GRHPR: variants seen among roughly 807,000 people sequenced by gnomAD.
GRHPR encodes glyoxylate and hydroxypyruvate reductase, also known as glyoxylate reductase/hydroxypyruvate reductase.
Under a neutral mutation model 36.8 loss-of-function variants are expected in GRHPR, and 35 were observed. The observed-to-expected ratio is 0.95, with a 90% confidence interval of 0.73 to 1.26. GRHPR has a LOEUF of 1.26. Among genes scored for constraint, GRHPR ranks in the 50% most tolerant of loss-of-function variants. The pLI is 0.00. For synonymous variants in GRHPR, 179 were observed against 181.0 expected (o/e 0.99, Z 0.09); for missense variants, 380 against 435.0 (o/e 0.87, Z 1.12).
Position 37,428,488 on chromosome 9 carries a change from G to A in GRHPR, c.409G>A (p.Gly137Ser). 1 of 1,607,708 alleles carries A rather than the reference G, an allele frequency of 6.2e-7. No individual in the cohort carries two copies. Among genetic ancestry groups the A allele is most frequent in the East Asian group, 2.2e-5 (1 of 44,864 alleles). The change falls in exon 5 of 9, where the codon GGC (glycine) becomes AGC (serine). Residue 137 changes from glycine to serine, a missense_variant. Physicochemically the swap from Gly to Ser is moderately conservative, Grantham distance 56. Coordinates refer to ENST00000318158, the MANE Select transcript of GRHPR (RefSeq NM_012203.2). Reference protein sequence around the residue: ...PEAIEEVKNGGWTSWKPLWLC... With the variant: ...PEAIEEVKNGSWTSWKPLWLC... ...TGCCCCTCTCTCTCCCCTCAGTGGT[G>A]GCTGGACCTCGTGGAAGCCCCTCTG...
At chr9:37,438,440 G>A (rs1381508383), downstream of GRHPR, 2 of 152,580 alleles carry the variant, frequency 1.3e-5, no homozygotes, top group Non-Finnish European at 2.9e-5. Context: ...GACAGACTAA[G>A]AGGTAGATGA....
intron 8 of GRHPR, 24 bp from the exon 9 acceptor site, chr9:37,436,637 T>TCC: frequency 3.5e-6 from 3 of 864,750 alleles, no homozygotes; most frequent in Non-Finnish European, 4.7e-6. Flanking sequence ...CTTATCTCCC[T>TCC]CTCTCTCTCT....
In GRHPR at chr9:37,426,558, C is replaced by T. The variant is rs761490627; in HGVS notation, c.308C>T (p.Thr103Ile). ...CGTAGTGGGATCCGAGTTGGCTACA[C>T]CCCAGATGTCCTGACAGATACCACC... The part of the protein sequence containing the change: ...IKKRGIRVGY[T>I]PDVLTDTTAE... The change falls in exon 4 of 9, where the codon ACC becomes ATC. Residue 103 changes from threonine (T) to isoleucine (I), a missense_variant. Physicochemically the swap from Thr to Ile is moderately conservative, Grantham distance 89 (BLOSUM62 -1). Coordinates refer to ENST00000318158, the MANE Select transcript of GRHPR (RefSeq NM_012203.2). The T allele has an allele frequency of 1.2e-6, 2 of 1,611,894 alleles. No individual in the cohort carries two copies. Among genetic ancestry groups the T allele is most frequent in the Admixed American group, 1.7e-5 (1 of 60,018 alleles).
At chr9:37,433,230 T>C (rs1823461025) in intron 8 of GRHPR, among the ~76,000 whole-genome samples, 1 of 25,772 alleles carries the variant, frequency 3.9e-5, no homozygotes, top group African/African-American at 6.4e-5. Context: ...GTTCTCACAT[T>C]TTTTTTTTTT....
intron 2 of GRHPR, 41 bp downstream of exon 2, chr9:37,425,016 C>T: frequency 6.3e-7 from 1 of 1,595,322 alleles, no homozygotes; most frequent in Middle Eastern, 1.8e-4. Context: ...GTGGCTTGGC[C>T]CTGTGGGCCC....
intron 7 of GRHPR, 88 bp downstream of exon 7, chr9:37,430,734 G>A: frequency 8.1e-7 from 1 of 1,241,560 alleles, no homozygotes; most frequent in Non-Finnish European, 1.2e-6. Flanking sequence ...GTGGGTTGTT[G>A]GTGAGACCCC....
At chr9:37,430,831 C>T (rs1180558242) in intron 7 of GRHPR, 185 bp downstream of exon 7, 2 of 698,906 alleles carry the variant, frequency 2.9e-6, no homozygotes, top group South Asian at 1.5e-5. Context: ...GGAAGAAGAG[C>T]CGTCAGAGTG....
At chr9:37,430,213 C>T (rs1326432930) in intron 6 of GRHPR, 7 of 550,836 alleles carry the variant, frequency 1.3e-5, no homozygotes, top group East Asian at 6.5e-5. Context: ...TTAGTCCAGG[C>T]GGATCCAGCA....
chr9:37,436,846 G>C lies in GRHPR; in HGVS notation c.*64G>C. 1 of 1,578,232 alleles carries C rather than the reference G, an allele frequency of 6.3e-7. No individual in the cohort carries two copies. Reference sequence around the variant, plus strand: ...CCCTGGTATTGTCAGACACACCCAGGCTTGATTTGGATCCACAGGCAGAGC... The same window carrying C: ...CCCTGGTATTGTCAGACACACCCAGCCTTGATTTGGATCCACAGGCAGAGC... On this transcript the variant is annotated 3_prime_UTR_variant, in exon 9 of 9. Coordinates refer to ENST00000318158, the MANE Select transcript of GRHPR (RefSeq NM_012203.2).
chr9:37,432,711 CAT>C (rs1401314641), intron 8 of GRHPR: 3 of 176,050 alleles, frequency 1.7e-5, no homozygotes, highest in Admixed American at 5.5e-5. Context: ...GGGCTGACTA[CAT>C]GTCTCCATGT....
chr9:37,435,949 G>A (rs1823621785), intron 8 of GRHPR, among the ~76,000 whole-genome samples: 1 of 152,064 alleles, frequency 6.6e-6, no homozygotes, highest in South Asian at 2.1e-4. Flanking sequence ...ACGGTTCTTT[G>A]GGGGCAAGTA....
chr9:37,436,778 T>G lies in GRHPR; in HGVS notation c.983T>G (p.Leu328Arg). The G allele has an allele frequency of 6.2e-7, 1 of 1,614,012 alleles. No individual in the cohort carries two copies. Among genetic ancestry groups the G allele is most frequent in the Non-Finnish European group, 8.5e-7 (1 of 1,179,952 alleles). ...GAGCCGATGCCTAGTGAACTCAAGC[T>G]GTAGCCAAACAGTAGAGATGGAGGG... ...RGEPMPSELK[L>R] The change falls in exon 9 of 9, where the codon CTG becomes CGG. Residue 328 changes from leucine (L) to arginine (R), a missense_variant. Coordinates refer to ENST00000318158, the MANE Select transcript of GRHPR (RefSeq NM_012203.2).
chr9:37,422,542 C>G, upstream of GRHPR: 1 of 615,966 alleles, frequency 1.6e-6, no homozygotes, highest in Non-Finnish European at 2.9e-6. Flanking sequence ...CACAAGGACA[C>G]TGTGTAGGGT....
intron 5 of GRHPR, 81 bp from the exon 6 acceptor site, chr9:37,429,651 G>T: frequency 1.1e-6 from 1 of 915,788 alleles, no homozygotes. Flanking sequence ...TCTGCCCTGA[G>T]GGCCGCTGTT....
chr9:37,425,060 C>A, intron 2 of GRHPR, 85 bp downstream of exon 2: 1 of 1,399,060 alleles, frequency 7.1e-7, no homozygotes, highest in Non-Finnish European at 1.0e-6. Flanking sequence ...GGCTGCTCTG[C>A]AGTGCTGTCT....
At chr9:37,429,870 C>A in intron 6 of GRHPR, 34 bp downstream of exon 6, 1 of 1,251,928 alleles carries the variant, frequency 8.0e-7, no homozygotes, top group Non-Finnish European at 1.2e-6. Context: ...AGGAGCCTAT[C>A]TGTGCCCAGT....
At chr9:37,437,481 G>A (rs1823727774), downstream of GRHPR, among the ~76,000 whole-genome samples, 1 of 152,084 alleles carries the variant, frequency 6.6e-6, no homozygotes, top group South Asian at 2.1e-4. Context: ...CTTGAATCTT[G>A]ATACCTAGAC....
chr9:37,428,060 A>T (rs1823169822), intron 4 of GRHPR: 1 of 314,714 alleles, frequency 3.2e-6, no homozygotes, highest in Non-Finnish European at 6.2e-6. Context: ...GGCAGGCTCC[A>T]TCTCTTGCCC....
chr9:37,425,804 G>A (rs894563461), intron 2 of GRHPR, 118 bp from the exon 3 acceptor site: 1 of 726,718 alleles, frequency 1.4e-6, no homozygotes, highest in African/African-American at 1.7e-5. Flanking sequence ...GAAGAACAGA[G>A]ATGTCAGCCT....
Sources: allele counts gnomAD v4.1 joint callset (sites outside exome capture counted in the v4.1 genomes callset), GRCh38; gene constraint gnomAD v4.1.1; transcripts MANE v1.5; gene names NCBI Gene and HGNC (gene_info 2026-07-23, HGNC 2026-07-21).